Variants in CCDC112 observed in about 807,000 individuals in gnomAD.
CCDC112 encodes the protein coiled-coil domain containing 112, also known as coiled-coil domain-containing protein 112.
Under a neutral mutation model 66.3 loss-of-function variants are expected in CCDC112, and 40 were observed. That is an observed-to-expected ratio of 0.60 (90% CI 0.47 to 0.79). CCDC112 has a LOEUF of 0.79. CCDC112 is among the 30% of genes least tolerant of loss of function. CCDC112 has a pLI of 0.00. For missense variants in CCDC112, 659 were observed against 603.8 expected (o/e 1.09, Z -0.96); for synonymous variants, 214 against 197.2 (o/e 1.09, Z -0.71).
intron 6 of CCDC112, among the ~76,000 whole-genome samples, chr5:115,271,885 T>C (rs958056944): frequency 2.0e-5 from 3 of 151,738 alleles, no homozygotes; most frequent in African/African-American, 7.3e-5. Flanking sequence ...TCAAAAGGAC[T>C]ACAACTCATG....
rs538938704 is a variant in CCDC112 at position 115,291,448 on chromosome 5, T to C, written c.117+4979A>G. 2.0e-5 allele frequency among the ~76,000 whole-genome samples: 3 copies of C among 152,308 alleles called. No homozygotes were observed. The East Asian group carries it at 5.8e-4, about 29-fold the overall frequency. Reference sequence around the variant, plus strand: ...TACTATTCTGTATTTTTCTTTCTTGTGATGTTTTTTGTTTGATTTTGGTAT... The same window carrying C: ...TACTATTCTGTATTTTTCTTTCTTGCGATGTTTTTTGTTTGATTTTGGTAT... On this transcript the variant is annotated intron_variant, in intron 1 of 9. Transcript: ENST00000379611.
rs17856922 is a variant in CCDC112 at position 115,271,273 on chromosome 5, C to T, written c.1272G>A (p.Lys424=). 6 of 1,600,986 alleles carry T rather than the reference C, an allele frequency of 3.7e-6. No individual in the cohort carries two copies. The African/African-American group carries it at 4.1e-5, about 11-fold the overall frequency. ...TTTTCCTTTTTTCTGCCTTTTCTGC[C>T]TTTTCCCTTATCTCCTTTTCAAGCC... The part of the protein sequence containing the change: ...FLRLEKEIRE[K]AEKAEKRKNA... Residue 424 remains lysine (K), a synonymous_variant, in exon 7 of 10, where the codon AAG becomes AAA. Coordinates refer to ENST00000379611, the MANE Select transcript of CCDC112 (RefSeq NM_001040440.3).
intron 1 of CCDC112, among the ~76,000 whole-genome samples, chr5:115,287,974 T>G (rs1258309870): frequency 6.6e-6 from 1 of 152,102 alleles, no homozygotes; most frequent in Non-Finnish European, 1.5e-5. Flanking sequence ...ACCAAAAATC[T>G]AAAATGCCTT....
At chr5:115,270,229 C>T (rs1748941345) in intron 7 of CCDC112, among the ~76,000 whole-genome samples, 1 of 151,942 alleles carries the variant, frequency 6.6e-6, no homozygotes, top group African/African-American at 2.4e-5. Context: ...TATATATGAA[C>T]TAAAAGAAAT....
intron 7 of CCDC112, 58 bp from the exon 8 acceptor site, chr5:115,269,856 T>G: frequency 9.1e-7 from 1 of 1,102,472 alleles, no homozygotes; most frequent in Non-Finnish European, 1.3e-6. Flanking sequence ...TTGTTCAAAA[T>G]TTAGTTGTTC....
At chr5:115,291,058 T>C (rs169127) in intron 1 of CCDC112, among the ~76,000 whole-genome samples, 16,078 of 152,184 alleles carry the variant, frequency 0.11, 1,440 homozygotes, top group East Asian at 0.47. Flanking sequence ...GCCTTGTTCC[T>C]GATCATACGG....
Position 115,279,655 on chromosome 5 carries a change from T to G in CCDC112, c.353A>C (p.Lys118Thr). ...ELENKLIHSR[K>T]TERAKIQQQL... Reference sequence around the variant, plus strand: ...TCACAAACTCAACTTACTTTCTGTTTTCCTGCTGTGAATCAATTTATTTTC... The same window carrying G: ...TCACAAACTCAACTTACTTTCTGTTGTCCTGCTGTGAATCAATTTATTTTC... The change falls in exon 3 of 10, where the codon AAA (lysine) becomes ACA (threonine). Residue 118 changes from lysine (K) to threonine (T), a missense_variant. Transcript: ENST00000379611. 2 of 1,611,504 alleles carry G rather than the reference T, an allele frequency of 1.2e-6. No homozygotes were observed. The highest frequency in any genetic ancestry group is 1.7e-6 in the Non-Finnish European group (2 of 1,179,338).
At chr5:115,290,464 T>C (rs997958252) in intron 1 of CCDC112, among the ~76,000 whole-genome samples, 9 of 152,226 alleles carry the variant, frequency 5.9e-5, no homozygotes, top group Non-Finnish European at 1.2e-4. Flanking sequence ...TTTGGGTGCC[T>C]TGCATTTTCC....
At chr5:115,269,022 T>C (rs1363322060) in intron 8 of CCDC112, 22 bp from the exon 9 acceptor site, 15 of 1,377,854 alleles carry the variant, frequency 1.1e-5, no homozygotes, top group Non-Finnish European at 1.3e-5. Context: ...AGTAAAATAG[T>C]ACCAGTTAAT....
chr5:115,287,525 T>C (rs1749725583), intron 1 of CCDC112, among the ~76,000 whole-genome samples: 1 of 152,108 alleles, frequency 6.6e-6, no homozygotes, highest in Admixed American at 6.6e-5. Context: ...AATGAAACTT[T>C]GAGGAAAGAG....
intron 1 of CCDC112, among the ~76,000 whole-genome samples, chr5:115,290,765 A>G (rs900018604): frequency 8.6e-5 from 13 of 151,874 alleles, no homozygotes; most frequent in Middle Eastern, 3.4e-3. Context: ...TTTTTTCTTA[A>G]TTTCATTTTT....
chr5:115,284,438 T>A (rs2127067390), intron 2 of CCDC112, among the ~76,000 whole-genome samples: 1 of 152,272 alleles, frequency 6.6e-6, no homozygotes, highest in Non-Finnish European at 1.5e-5. Context: ...CAAAAACGAT[T>A]CACTTCCTCA....
At chr5:115,284,949 G>A (rs1411888289) in intron 1 of CCDC112, 41 bp from the exon 2 acceptor site, 4 of 1,567,136 alleles carry the variant, frequency 2.6e-6, no homozygotes, top group Non-Finnish European at 2.6e-6. Context: ...AATGAAAATA[G>A]TAAGACATAA....
At chr5:115,280,585 C>T (rs1749410415) in intron 2 of CCDC112, 1 of 152,110 alleles carries the variant, frequency 6.6e-6, no homozygotes, top group African/African-American at 2.4e-5. Flanking sequence ...CAGGGTCTGG[C>T]TCTGTCACCC....
chr5:115,284,675 T>C, intron 2 of CCDC112, 112 bp downstream of exon 2: 2 of 762,508 alleles, frequency 2.6e-6, no homozygotes, highest in Middle Eastern at 4.0e-4. Context: ...GGCTAGTGAT[T>C]ACAATTTTAT....
chr5:115,290,186 G>C (rs1749861718), intron 1 of CCDC112, among the ~76,000 whole-genome samples: 1 of 152,192 alleles, frequency 6.6e-6, no homozygotes, highest in Non-Finnish European at 1.5e-5. Flanking sequence ...GTGTGAGGTA[G>C]TTCAGCTTCT....
intron 7 of CCDC112, among the ~76,000 whole-genome samples, chr5:115,270,917 T>C (rs1748967114): frequency 6.6e-6 from 1 of 152,136 alleles, no homozygotes; most frequent in Non-Finnish European, 1.5e-5. Context: ...AGTATTACCT[T>C]CTCTCTGCCA....
At chr5:115,289,047 T>C (rs985077878) in intron 1 of CCDC112, 7 of 285,490 alleles carry the variant, frequency 2.5e-5, no homozygotes, top group African/African-American at 1.6e-4. Context: ...TTGGCTTCTT[T>C]CCCTCAGCCT....
chr5:115,274,758 T>C (rs1287255213), intron 6 of CCDC112, among the ~76,000 whole-genome samples: 1 of 152,204 alleles, frequency 6.6e-6, no homozygotes, highest in African/African-American at 2.4e-5. Context: ...TTTATTTTTA[T>C]TTTTTCTTGA....
Sources: allele counts gnomAD v4.1 joint callset (sites outside exome capture counted in the v4.1 genomes callset), GRCh38; gene constraint gnomAD v4.1.1; transcripts MANE v1.5; gene names NCBI Gene and HGNC (gene_info 2026-07-23, HGNC 2026-07-21).